TFPI: variants seen among roughly 807,000 people sequenced by gnomAD.
TFPI encodes anti-convertin.
In TFPI, 15 loss-of-function variants were observed where a neutral mutation model predicts 34.6. The ratio of observed to expected loss-of-function variants is 0.43; its 90% confidence interval spans 0.29 to 0.67. The LOEUF (loss-of-function observed/expected upper bound fraction) is 0.67. Among genes scored for constraint, TFPI ranks in the 30% least tolerant of loss-of-function variants. The pLI, the probability that TFPI is intolerant of heterozygous loss-of-function variation, is 0.15. For synonymous variants in TFPI, 105 were observed against 120.1 expected, an observed-to-expected ratio of 0.87 and a Z score of 0.82; for missense variants, 301 against 364.0, an observed-to-expected ratio of 0.83 and a Z score of 1.41.
rs1286850276 is a variant in TFPI, at chr2:187,484,192, T to C, written c.560A>G (p.Tyr187Cys). 1 of 1,612,056 alleles carries C rather than the reference T, an allele frequency of 6.2e-7. No homozygotes were observed. The highest frequency in any genetic ancestry group is 8.5e-7 in the Non-Finnish European group (1 of 1,178,648). Residue 187 changes from tyrosine to cysteine, a missense_variant, in exon 6 of 8, where the codon TAT becomes TGT. By Grantham distance (194) the Tyr-to-Cys change is radical. Transcript: ENST00000233156. Reference sequence around the variant, plus strand: ...ATTCACAGCATTGAGCTGGGTTCCATAATTATCCACCTGGAAACCATTCGC... The same window carrying C: ...ATTCACAGCATTGAGCTGGGTTCCACAATTATCCACCTGGAAACCATTCGC... ...DGPNGFQVDN[Y>C]GTQLNAVNNS...
At chr2:187,485,012 A>AAAGAAGACATTTAT in intron 4 of TFPI, 25 bp from the exon 5 acceptor site, 1 of 1,461,272 alleles carries the variant, frequency 6.8e-7, no homozygotes, top group Non-Finnish European at 9.1e-7. Flanking sequence ...AATGTCAGAA[A>AAAGAAGACATTTAT]GCAATATTCT....
In TFPI at chr2:187,482,917, C is replaced by T. The variant is rs557539490; in HGVS notation, c.628+1207G>A. 4.1e-4 allele frequency among the ~76,000 whole-genome samples: 63 copies of T among 151,946 alleles called. 3 individuals are homozygous for T. In the Middle Eastern group the frequency reaches 0.048, roughly 116 times the overall value. ...ATTAAAAGCACATATTATGCTCCCT[C>T]GTAGATCTCATGTCTCTTTACACTT... On this transcript the variant is annotated intron_variant, in intron 6 of 7. Transcript: ENST00000233156.
At chr2:187,489,309 G>A (rs1400589881) in intron 3 of TFPI, among the ~76,000 whole-genome samples, 1 of 151,250 alleles carries the variant, frequency 6.6e-6, no homozygotes, top group Non-Finnish European at 1.5e-5. Context: ...AAATGTCTAT[G>A]AAAGTGAAAC....
At chr2:187,483,786 A>C (rs996605512) in intron 6 of TFPI, 8 of 270,076 alleles carry the variant, frequency 3.0e-5, no homozygotes, top group Non-Finnish European at 5.5e-5. Context: ...CTGCTGTGCC[A>C]GTACAATGAT....
intron 1 of TFPI, chr2:187,515,412 T>A (rs1173957122): frequency 6.6e-6 from 1 of 152,184 alleles, no homozygotes; most frequent in African/African-American, 2.4e-5. Context: ...AACATAACTG[T>A]GTAGAGGTGT....
intron 6 of TFPI, among the ~76,000 whole-genome samples, chr2:187,479,142 G>C (rs1692627814): frequency 6.6e-6 from 1 of 151,992 alleles, no homozygotes. Context: ...AGTAATTTGT[G>C]TTTAATGATA....
At chr2:187,501,164 G>C (rs8176426) in intron 2 of TFPI, among the ~76,000 whole-genome samples, 5,370 of 152,154 alleles carry the variant, frequency 0.035, 281 homozygotes, top group African/African-American at 0.11. Flanking sequence ...AAAACACATA[G>C]AGGGCAATCT....
At chr2:187,516,178 C>G (rs1338717051) in intron 1 of TFPI, 1 of 152,080 alleles carries the variant, frequency 6.6e-6, no homozygotes, top group Non-Finnish European at 1.5e-5. Context: ...ATAGACTAGC[C>G]CTAGACTACT....
At chr2:187,488,293 G>T in intron 4 of TFPI, 44 bp downstream of exon 4, 1 of 1,494,464 alleles carries the variant, frequency 6.7e-7, no homozygotes, top group Non-Finnish European at 9.1e-7. Context: ...ATATCTAAAT[G>T]CCTTACATAA....
At position 187,488,300 on chromosome 2, in the gene TFPI, A is replaced by G. The variant is rs1289984429; in HGVS notation, c.358+37T>C. On this transcript the variant is annotated intron_variant, in intron 4 of 7. Transcript: ENST00000233156. ...AAAATTGAATATCTAAATGCCTTAC[A>G]TAAATGCTTCAAATTTACAGACAAA... is the stretch of plus-strand genomic sequence containing the variant. 5 of 1,536,414 alleles carry G rather than the reference A, an allele frequency of 3.3e-6. No individual in the cohort carries two copies. The Admixed American group carries it at 8.8e-5, about 27-fold the overall frequency.
chr2:187,532,579 A>C (rs1688020640), intron 1 of TFPI, among the ~76,000 whole-genome samples: 1 of 152,242 alleles, frequency 6.6e-6, no homozygotes, highest in Non-Finnish European at 1.5e-5. Flanking sequence ...TGGTCTTTGC[A>C]ACCCGCAGAC....
intron 1 of TFPI, among the ~76,000 whole-genome samples, chr2:187,507,763 C>G (rs1297032562): frequency 6.6e-6 from 1 of 152,128 alleles, no homozygotes; most frequent in Non-Finnish European, 1.5e-5. Flanking sequence ...TGTAGGTTGC[C>G]TGTTCACTCT....
At chr2:187,482,824 A>C (rs2106005591) in intron 6 of TFPI, among the ~76,000 whole-genome samples, 1 of 152,006 alleles carries the variant, frequency 6.6e-6, no homozygotes, top group East Asian at 1.9e-4. Flanking sequence ...AGGGTGTGAA[A>C]TAGGCAGGAC....
At chr2:187,549,689 T>G (rs868631992) in intron 1 of TFPI, among the ~76,000 whole-genome samples, 1 of 152,124 alleles carries the variant, frequency 6.6e-6, no homozygotes, top group Non-Finnish European at 1.5e-5. Context: ...GCTCCTGGGA[T>G]ACAATAAACA....
In TFPI at chr2:187,465,456, C is replaced by A. The variant is rs1347142541; in HGVS notation, c.*1480G>T. ...CTCCAGCCTGGGTGACAGAGTGGGA[C>A]CCTGTCTAAAAAAACATAACAAAAC... is the stretch of plus-strand genomic sequence containing the variant. On this transcript the variant is annotated 3_prime_UTR_variant, in exon 8 of 8. Coordinates refer to ENST00000233156, the MANE Select transcript of TFPI (RefSeq NM_006287.6). The A allele has an allele frequency of 3.7e-5, 4 of 109,124 alleles. No homozygotes were observed. Among genetic ancestry groups the A allele is most frequent in the South Asian group, 6.7e-4 (2 of 3,002 alleles). 6.8% of individuals were successfully genotyped at this position (109,124 alleles called of 1,614,324 possible).
intron 2 of TFPI, among the ~76,000 whole-genome samples, chr2:187,503,207 G>A (rs1574442778): frequency 6.6e-6 from 1 of 152,096 alleles, no homozygotes; most frequent in South Asian, 2.1e-4. Flanking sequence ...CAACTGGGAA[G>A]TTTTGATTTT....
Position 187,493,290 on chromosome 2 carries a change from G to A in TFPI, c.319+3591C>T, listed in dbSNP as rs115835114. On this transcript the variant is annotated intron_variant, in intron 3 of 7. Coordinates refer to ENST00000233156, the MANE Select transcript of TFPI (RefSeq NM_006287.6). The stretch of plus-strand genomic sequence containing the variant: ...TCTGAAGCTCTGGCCCTAGCTCTAC[G>A]TTGACCCCTTTCAATCATGGCTGGA... Among the ~76,000 whole-genome samples the A allele has an allele frequency of 3.3e-3, 498 of 152,172 alleles. 1 individual carries two copies. Among genetic ancestry groups the A allele is most frequent in the African/African-American group, 0.011 (453 of 41,514 alleles).
chr2:187,478,588 A>C, intron 6 of TFPI: 1 of 1,480,072 alleles, frequency 6.8e-7, no homozygotes, highest in Non-Finnish European at 9.0e-7. Flanking sequence ...TTTACTATGC[A>C]TGTAAATATT....
intron 1 of TFPI, among the ~76,000 whole-genome samples, chr2:187,546,287 T>TC (rs1688856501): frequency 6.6e-6 from 1 of 151,728 alleles, no homozygotes; most frequent in Non-Finnish European, 1.5e-5. Context: ...TGTAAGTTTT[T>TC]TTTTTTTTTT....
Sources: gnomAD v4.1 joint callset for allele counts (sites outside exome capture counted in the v4.1 genomes callset) on GRCh38, gnomAD v4.1.1 for gene constraint, MANE v1.5 for transcripts, NCBI Gene and HGNC (gene_info 2026-07-23, HGNC 2026-07-21) for gene names.